Variants in FAHD2A observed in about 807,000 individuals in gnomAD.
FAHD2A encodes the protein fumarylacetoacetate hydrolase domain containing 2A.
A neutral mutation model predicts 33.4 loss-of-function variants in FAHD2A; 27 were observed. That is an observed-to-expected ratio of 0.81 (90% confidence interval 0.60 to 1.11). The LOEUF is 1.11. FAHD2A is among the 50% of genes most tolerant of loss of function. The probability of loss-of-function intolerance (pLI) is 0.00; values close to 1 mark genes in which losing one functional copy is unlikely to be tolerated. For missense variants in FAHD2A, 296 were observed against 395.0 expected, an observed-to-expected ratio of 0.75 and a Z score of 2.12; for synonymous variants, 130 against 153.3, an observed-to-expected ratio of 0.85 and a Z score of 1.12.
chr2:95,419,659 C>T (rs1411899253), downstream of FAHD2A, among the ~76,000 whole-genome samples: 1 of 151,986 alleles, frequency 6.6e-6, no homozygotes, highest in Non-Finnish European at 1.5e-5. Context: ...CATTGCTATC[C>T]TAGTGGCAAC....
Position 95,410,969 on chromosome 2 carries a change from A to C in FAHD2A, c.628A>C (p.Thr210Pro), listed in dbSNP as rs760845347. ...TGGGAAACAATGGCTGCTGGGAAAA[A>C]CCTTCGACACCTTCTGCCCTCTGGG... ...RNGKQWLLGK[T>P]FDTFCPLGPA... Residue 210 changes from threonine (T) to proline (P), a missense_variant, in exon 5 of 8, where the codon ACC (threonine) becomes CCC (proline). Coordinates refer to ENST00000233379, the MANE Select transcript of FAHD2A (RefSeq NM_016044.3). The C allele has an allele frequency of 6.2e-7, 1 of 1,613,856 alleles. No homozygotes were observed. Among genetic ancestry groups the C allele is most frequent in the Non-Finnish European group, 8.5e-7 (1 of 1,179,842 alleles).
At chr2:95,408,460 A>G (rs1681972899) in intron 3 of FAHD2A, among the ~76,000 whole-genome samples, 1 of 152,082 alleles carries the variant, frequency 6.6e-6, no homozygotes, top group South Asian at 2.1e-4. Flanking sequence ...GCAATTTACA[A>G]AAAAAAGAGG....
Position 95,412,975 on chromosome 2 carries a change from C to T in FAHD2A, c.*18C>T. The T allele has an allele frequency of 6.2e-7, 1 of 1,613,526 alleles. No homozygotes were observed. Among genetic ancestry groups the T allele is most frequent in the Non-Finnish European group, 8.5e-7 (1 of 1,179,796 alleles). Reference sequence around the variant, plus strand: ...TGGTGTGATGGCTCCTGCACAGGCCCTGCACATAGGATGAGGGCATCTGCT... The same window carrying T: ...TGGTGTGATGGCTCCTGCACAGGCCTTGCACATAGGATGAGGGCATCTGCT... On this transcript the variant is annotated 3_prime_UTR_variant, in exon 8 of 8. Coordinates refer to ENST00000233379, the MANE Select transcript of FAHD2A (RefSeq NM_016044.3).
At position 95,413,215 on chromosome 2, in the gene FAHD2A, G is replaced by A; in HGVS notation, c.*258G>A. On this transcript the variant is annotated 3_prime_UTR_variant, in exon 8 of 8. Transcript: ENST00000233379. ...TTTTGTGGGACTGGGGAAGAAGAGA[G>A]CAAATACACACACATATGCCAAAAA... is the stretch of plus-strand genomic sequence containing the variant. 2.8e-6 allele frequency: 3 copies of A among 1,089,282 alleles called. No individual in the cohort carries two copies. Among genetic ancestry groups the A allele is most frequent in the Non-Finnish European group, 3.9e-6 (3 of 771,582 alleles). The allele number at this position is 1,089,282 out of a possible 1,614,324, so 67.5% of individuals were successfully genotyped here.
At chr2:95,417,096 A>G (rs138414475), downstream of FAHD2A, among the ~76,000 whole-genome samples, 1,236 of 152,326 alleles carry the variant, frequency 8.1e-3, 16 homozygotes, top group African/African-American at 0.028. Context: ...AGAATGATGC[A>G]ATCTTTTCTA....
At chr2:95,410,325 G>A (rs1279001170) in intron 3 of FAHD2A, among the ~76,000 whole-genome samples, 1 of 152,204 alleles carries the variant, frequency 6.6e-6, no homozygotes, top group African/African-American at 2.4e-5. Context: ...GATGCTGTCT[G>A]CCACTGCCCA....
rs374463832 is a variant in FAHD2A, at chr2:95,405,701, A to G, written c.143A>G (p.Asn48Ser). Residue 48 changes from asparagine (N) to serine (S), a missense_variant, in exon 2 of 8, where the codon AAT becomes AGT. By Grantham distance (46) the Asn-to-Ser change is conservative. Coordinates refer to ENST00000233379, the MANE Select transcript of FAHD2A (RefSeq NM_016044.3). Reference sequence around the variant, plus strand: ...CCTCACTTGGGCCTGGAGACAGGGAATGGTGGAGGGGTTATCAACCTCAAT... The same window carrying G: ...CCTCACTTGGGCCTGGAGACAGGGAGTGGTGGAGGGGTTATCAACCTCAAT... ...VGPHLGLETG[N>S]GGGVINLNAF... 11 of 1,613,988 alleles carry G rather than the reference A, an allele frequency of 6.8e-6. No individual in the cohort carries two copies. In the African/African-American group the frequency reaches 1.5e-4, roughly 22 times the overall value.
intron 4 of FAHD2A, 137 bp from the exon 5 acceptor site, chr2:95,410,727 A>G (rs1682343087): frequency 2.6e-6 from 4 of 1,542,950 alleles, no homozygotes; most frequent in Non-Finnish European, 3.5e-6. Context: ...TTGCTCCCTG[A>G]CACTGCCTTT....
intron 5 of FAHD2A, among the ~76,000 whole-genome samples, chr2:95,411,868 C>T (rs1198719277): frequency 1.3e-5 from 2 of 152,302 alleles, no homozygotes; most frequent in East Asian, 3.9e-4. Context: ...TCACTGAAGC[C>T]TCAACCTCCT....
At chr2:95,412,121 T>C (rs1000507946) in intron 5 of FAHD2A, among the ~76,000 whole-genome samples, 10 of 152,178 alleles carry the variant, frequency 6.6e-5, no homozygotes, top group African/African-American at 2.2e-4. Context: ...TGTCATCCTA[T>C]GCTGTAGACA....
rs62153519 is a variant in FAHD2A at position 95,414,477 on chromosome 2, T to A, written c.*1520T>A. 0.025 allele frequency: 12,505 copies of A among 493,800 alleles called. 245 individuals carry two copies. Among genetic ancestry groups the A allele is most frequent in the Non-Finnish European group, 0.035 (9,443 of 270,636 alleles). 30.6% of individuals were successfully genotyped at this position (493,800 alleles called of 1,614,324 possible). A position where few individuals can be genotyped will look rare whatever the true frequency, so the allele number is the denominator to read the frequency against. On this transcript the variant is annotated 3_prime_UTR_variant, in exon 8 of 8. Coordinates refer to ENST00000233379, the MANE Select transcript of FAHD2A (RefSeq NM_016044.3). ...TTCGTCCCAGATTCTGTTTTTGTTT[T>A]CCTGAATCAGACTTAGTCTCCCTCC...
At position 95,416,394 on chromosome 2, in the gene FAHD2A, C is replaced by T. The variant is rs944532515; in HGVS notation, c.*3437C>T. On this transcript the variant is annotated 3_prime_UTR_variant, in exon 8 of 8. Transcript: ENST00000233379. The stretch of plus-strand genomic sequence containing the variant: ...TATTGGGTACATGGAGGTCCCCGGT[C>T]CCTTTGTGATTCCTGCAGCCTGTTG... The T allele has an allele frequency of 4.6e-5, 7 of 152,148 alleles. No individual in the cohort carries two copies. The highest frequency in any genetic ancestry group is 2.1e-4 in the South Asian group (1 of 4,820). 9.4% of individuals were successfully genotyped at this position (152,148 alleles called of 1,614,324 possible). A position where few individuals can be genotyped will look rare whatever the true frequency, so the allele number is the denominator to read the frequency against.
At chr2:95,417,354 A>G (rs1683239646), downstream of FAHD2A, among the ~76,000 whole-genome samples, 1 of 152,150 alleles carries the variant, frequency 6.6e-6, no homozygotes, top group Admixed American at 6.5e-5. Context: ...CAGATCCTCT[A>G]GTGCCAGTTT....
chr2:95,407,941 C>T (rs564030208), intron 3 of FAHD2A, among the ~76,000 whole-genome samples: 1 of 151,818 alleles, frequency 6.6e-6, no homozygotes, highest in East Asian at 1.9e-4. Context: ...AGTGAACACT[C>T]AGATAACTTT....
Position 95,413,532 on chromosome 2 carries a change from C to A in FAHD2A, c.*575C>A. 2 of 1,602,128 alleles carry A rather than the reference C, an allele frequency of 1.2e-6. No individual in the cohort carries two copies. The highest frequency in any genetic ancestry group is 8.5e-7 in the Non-Finnish European group (1 of 1,175,044). On this transcript the variant is annotated 3_prime_UTR_variant, in exon 8 of 8. Transcript: ENST00000233379. ...TGGCAAAAGTAGGGGACAGGTGGAGCCTGGGGCCTGCAGGGCTCGGCGTCT... is the reference window on the plus strand; with the variant it reads ...TGGCAAAAGTAGGGGACAGGTGGAGACTGGGGCCTGCAGGGCTCGGCGTCT...
In FAHD2A at chr2:95,412,520, G is replaced by T. The variant is rs556701511; in HGVS notation, c.772G>T (p.Asp258Tyr). 4 of 1,613,950 alleles carry T rather than the reference G, an allele frequency of 2.5e-6. No individual in the cohort carries two copies. In the African/African-American group the frequency reaches 5.3e-5, roughly 22 times the overall value. ...NTNQMVFKTE[D>Y]LIAWVSQFVT... ...CAACCAGATGGTATTCAAGACAGAG[G>T]ACCTGATAGCCTGGGTCTCCCAGTG... Residue 258 changes from aspartate to tyrosine, a missense_variant, in exon 6 of 8, where the codon GAC becomes TAC. Coordinates refer to ENST00000233379, the MANE Select transcript of FAHD2A (RefSeq NM_016044.3).
In FAHD2A at chr2:95,414,042, C is replaced by G. The variant is rs1016608480; in HGVS notation, c.*1085C>G. The G allele has an allele frequency of 3.9e-5, 57 of 1,450,694 alleles. 1 individual carries two copies. The highest frequency in any genetic ancestry group is 2.4e-4 in the Admixed American group (14 of 59,430). 89.9% of individuals were successfully genotyped at this position (1,450,694 alleles called of 1,614,324 possible). ...TGGAAAGAAGAGAGAAGTGAAGGCTCTAGGTAGGGAGGACAGGGAGACACT... is the reference window on the plus strand; with the variant it reads ...TGGAAAGAAGAGAGAAGTGAAGGCTGTAGGTAGGGAGGACAGGGAGACACT... On this transcript the variant is annotated 3_prime_UTR_variant, in exon 8 of 8. Coordinates refer to ENST00000233379, the MANE Select transcript of FAHD2A (RefSeq NM_016044.3).
rs763675453 is a variant in FAHD2A at position 95,407,116 on chromosome 2, G to A, written c.421G>A (p.Val141Met). 1.7e-5 allele frequency: 27 copies of A among 1,612,022 alleles called. No individual in the cohort carries two copies. Among genetic ancestry groups the A allele is most frequent in the Non-Finnish European group, 2.1e-5 (25 of 1,179,854 alleles). Residue 141 changes from valine to methionine, a missense_variant, in exon 3 of 8, where the codon GTG becomes ATG. Coordinates refer to ENST00000233379, the MANE Select transcript of FAHD2A (RefSeq NM_016044.3). ...CTTCAGCAAGTTTGCCAGCTCCATCGTGGGGCCCTATGATGAGGTGGTCCT... is the reference window on the plus strand; with the variant it reads ...CTTCAGCAAGTTTGCCAGCTCCATCATGGGGCCCTATGATGAGGTGGTCCT... ...IIFSKFASSI[V>M]GPYDEVVLPP...
downstream of FAHD2A, among the ~76,000 whole-genome samples, chr2:95,417,273 G>T (rs1473854175): frequency 1.3e-5 from 2 of 152,212 alleles, no homozygotes; most frequent in Non-Finnish European, 2.9e-5. Flanking sequence ...CCCTTAGGAT[G>T]CTATCTGGCT....
Sources: gnomAD v4.1 joint callset for allele counts (sites outside exome capture counted in the v4.1 genomes callset) on GRCh38, gnomAD v4.1.1 for gene constraint, MANE v1.5 for transcripts, NCBI Gene and HGNC (gene_info 2026-07-23, HGNC 2026-07-21) for gene names.